CDC42BPB: variants seen among roughly 807,000 people sequenced by gnomAD.
The protein encoded by CDC42BPB is CDC42 binding protein kinase beta, also known as serine/threonine-protein kinase MRCK beta.
A neutral mutation model predicts 214.9 loss-of-function variants in CDC42BPB; 37 were observed. That is an observed-to-expected ratio of 0.17 (90% CI 0.13 to 0.23). The LOEUF (loss-of-function observed/expected upper bound fraction) is 0.23, where lower values mean the gene tolerates loss of function less well. Ranked by LOEUF, CDC42BPB falls within the 10% of genes least tolerant of loss-of-function variation. The probability of loss-of-function intolerance (pLI) is 1.00; values close to 1 mark genes in which losing one functional copy is unlikely to be tolerated. For missense variants in CDC42BPB, 1,694 were observed against 2,227.0 expected, an observed-to-expected ratio of 0.76 and a Z score of 4.82; for synonymous variants, 931 against 884.0, an observed-to-expected ratio of 1.05 and a Z score of -0.94.
intron 7 of CDC42BPB, among the ~76,000 whole-genome samples, chr14:102,981,494 A>G (rs1253001407): frequency 1.3e-5 from 2 of 152,246 alleles, no homozygotes; most frequent in African/African-American, 2.4e-5. Context: ...GTTAAAAAAG[A>G]TACCGGCTGG....
chr14:102,947,562 G>A (rs1325701421), intron 27 of CDC42BPB, among the ~76,000 whole-genome samples, 159 bp downstream of exon 27: 2 of 152,124 alleles, frequency 1.3e-5, no homozygotes, highest in African/African-American at 2.4e-5. Flanking sequence ...GCTGCTACTT[G>A]GCCAGGACGG....
At chr14:102,975,077 G>A (rs1893676570) in intron 11 of CDC42BPB, among the ~76,000 whole-genome samples, 1 of 152,250 alleles carries the variant, frequency 6.6e-6, no homozygotes, top group South Asian at 2.1e-4. Flanking sequence ...CAGAGTCACT[G>A]ATTAAGCTTT....
In CDC42BPB at chr14:103,040,682, T is replaced by G. The variant is rs140236232; in HGVS notation, c.175+16317A>C. Among the ~76,000 whole-genome samples, 585 of 152,234 alleles carry G rather than the reference T, an allele frequency of 3.8e-3. 3 individuals carry two copies. Among genetic ancestry groups the G allele is most frequent in the African/African-American group, 0.012 (493 of 41,552 alleles). On this transcript the variant is annotated intron_variant, in intron 1 of 36. Coordinates refer to ENST00000361246, the MANE Select transcript of CDC42BPB (RefSeq NM_006035.4). ...CATGTTGGCCAGGCTGGTCTTGAAC[T>G]CCTAACCTCAGGTGATCCGCCCACC... is the stretch of plus-strand genomic sequence containing the variant.
intron 1 of CDC42BPB, among the ~76,000 whole-genome samples, chr14:103,032,926 CTT>C (rs1304918475): frequency 6.9e-6 from 1 of 144,544 alleles, no homozygotes; most frequent in African/African-American, 2.6e-5. Context: ...CACAAATCCA[CTT>C]TTTTTAAAAA....
At chr14:103,019,500 G>A (rs1886650974) in intron 1 of CDC42BPB, among the ~76,000 whole-genome samples, 1 of 152,176 alleles carries the variant, frequency 6.6e-6, no homozygotes, top group African/African-American at 2.4e-5. Flanking sequence ...TCTAAGGCAG[G>A]GTTGATCGCT....
intron 1 of CDC42BPB, among the ~76,000 whole-genome samples, chr14:103,036,156 T>C (rs1039913431): frequency 6.8e-6 from 1 of 148,030 alleles, no homozygotes; most frequent in Non-Finnish European, 1.5e-5. Context: ...AAATATTCTT[T>C]TTTTTTTTTT....
At chr14:103,047,284 A>G (rs942292812) in intron 1 of CDC42BPB, among the ~76,000 whole-genome samples, 1 of 151,186 alleles carries the variant, frequency 6.6e-6, no homozygotes, top group Non-Finnish European at 1.5e-5. Context: ...ACTCTCAAAA[A>G]AAAAAAAAAA....
chr14:102,986,628 T>G (rs1894257602), intron 5 of CDC42BPB, 48 bp from the exon 6 acceptor site: 2 of 1,597,390 alleles, frequency 1.3e-6, no homozygotes, highest in Non-Finnish European at 1.7e-6. Flanking sequence ...TGCAACACAT[T>G]AGGTAGATCA....
In CDC42BPB at chr14:102,952,473, C is replaced by T. The variant is rs34861753; in HGVS notation, c.3172+25G>A. 5.0e-4 allele frequency: 747 copies of T among 1,508,024 alleles called. 4 individuals carry two copies. The East Asian group carries it at 0.013, about 27-fold the overall frequency. The allele number at this position is 1,508,024 out of a possible 1,614,324, so 93.4% of individuals were successfully genotyped here. A position where few individuals can be genotyped will look rare whatever the true frequency, so the allele number is the denominator to read the frequency against. On this transcript the variant is annotated intron_variant, in intron 24 of 36. Transcript: ENST00000361246. ...AGGGGTGTGGGGCTGTGCACGCTGA[C>T]CCCAGGAGCTGCAACGACACTCACC...
intron 5 of CDC42BPB, among the ~76,000 whole-genome samples, chr14:102,990,573 G>A (rs1379309830): frequency 6.6e-6 from 1 of 152,170 alleles, no homozygotes; most frequent in African/African-American, 2.4e-5. Flanking sequence ...GTCCATGAGT[G>A]TGTCTATACC....
At chr14:103,032,686 G>A (rs1490867950) in intron 1 of CDC42BPB, among the ~76,000 whole-genome samples, 1 of 141,426 alleles carries the variant, frequency 7.1e-6, no homozygotes, top group Non-Finnish European at 1.5e-5. Context: ...AGTCTGGAGT[G>A]CAGTGGTGTG....
intron 1 of CDC42BPB, among the ~76,000 whole-genome samples, 172 bp downstream of exon 1, chr14:103,056,827 T>A (rs568290481): frequency 7.2e-6 from 1 of 139,296 alleles, no homozygotes; most frequent in East Asian, 2.3e-4. Flanking sequence ...TGGAGAGAGA[T>A]GGGCTGCGGG....
chr14:102,968,870 G>A (rs147137641), intron 14 of CDC42BPB, 154 bp from the exon 15 acceptor site: 10 of 985,484 alleles, frequency 1.0e-5, no homozygotes, highest in Middle Eastern at 5.2e-4. Context: ...CCTGGCTAAC[G>A]TGATCCAGGT....
chr14:102,999,856 C>G (rs1398735203), intron 4 of CDC42BPB, 143 bp from the exon 5 acceptor site: 3 of 1,467,448 alleles, frequency 2.0e-6, no homozygotes, highest in Non-Finnish European at 2.7e-6. Context: ...TCACCCAAGA[C>G]CCTCCTTCTG....
At chr14:102,946,712 G>T in intron 27 of CDC42BPB, 28 bp from the exon 28 acceptor site, 1 of 1,610,110 alleles carries the variant, frequency 6.2e-7, no homozygotes. Flanking sequence ...GAAGAGAAGA[G>T]AGAAGTCATC....
At chr14:102,971,846 G>T in intron 13 of CDC42BPB, 73 bp downstream of exon 13, 2 of 1,501,546 alleles carry the variant, frequency 1.3e-6, no homozygotes, top group South Asian at 2.5e-5. Flanking sequence ...TGCAGCCCAA[G>T]ATTTCAAAGA....
chr14:102,981,233 G>T (rs1416725716), intron 7 of CDC42BPB: 2 of 953,314 alleles, frequency 2.1e-6, no homozygotes, highest in Non-Finnish European at 2.5e-6. Context: ...GTAGACTTGT[G>T]ACCACACTGC....
At chr14:103,031,040 GTCACATATCCAAC>G (rs1350249934) in intron 1 of CDC42BPB, among the ~76,000 whole-genome samples, 1 of 151,644 alleles carries the variant, frequency 6.6e-6, no homozygotes, top group African/African-American at 2.4e-5. Flanking sequence ...CCTCCAATAT[GTCACATATCCAAC>G]TGAACCTAAG....
chr14:103,010,957 G>A (rs554634128), intron 2 of CDC42BPB, among the ~76,000 whole-genome samples: 4 of 152,342 alleles, frequency 2.6e-5, no homozygotes, highest in South Asian at 4.1e-4. Flanking sequence ...ATGAAGCCAG[G>A]AGGCAGAGCT....
Sources: allele counts gnomAD v4.1 joint callset (sites outside exome capture counted in the v4.1 genomes callset), GRCh38; gene constraint gnomAD v4.1.1; transcripts MANE v1.5; gene names NCBI Gene and HGNC (gene_info 2026-07-23, HGNC 2026-07-21).